ARHGAP26: variants seen among roughly 807,000 people sequenced by gnomAD.
The protein encoded by ARHGAP26 is Rho GTPase activating protein 26.
Under a neutral mutation model 104.8 loss-of-function variants are expected in ARHGAP26, and 38 were observed. That is an observed-to-expected ratio of 0.36 (90% confidence interval 0.28 to 0.48). The LOEUF (loss-of-function observed/expected upper bound fraction) is 0.48, where lower values mean the gene tolerates loss of function less well. ARHGAP26 is among the 20% of genes least tolerant of loss of function. ARHGAP26 has a pLI of 0.99. For missense variants in ARHGAP26, 704 were observed against 947.9 expected, an observed-to-expected ratio of 0.74 and a Z score of 3.38; for synonymous variants, 341 against 340.0, an observed-to-expected ratio of 1.00 and a Z score of -0.03.
At chr5:142,801,564 C>T (rs1762075890) in intron 1 of ARHGAP26, among the ~76,000 whole-genome samples, 1 of 151,398 alleles carries the variant, frequency 6.6e-6, no homozygotes, top group South Asian at 2.1e-4. Context: ...GTCTGAATCC[C>T]TGGCATATTT....
chr5:142,813,609 C>T (rs902523111), intron 1 of ARHGAP26, among the ~76,000 whole-genome samples: 1 of 152,206 alleles, frequency 6.6e-6, no homozygotes, highest in African/African-American at 2.4e-5. Flanking sequence ...GGGCTGTTTT[C>T]TTCCCAGGTC....
At chr5:143,064,232 C>T (rs766003557) in intron 17 of ARHGAP26, among the ~76,000 whole-genome samples, 16 of 152,016 alleles carry the variant, frequency 1.1e-4, no homozygotes, top group African/African-American at 1.9e-4. Context: ...CTCTTGCTCC[C>T]GGCCTACTTC....
intron 12 of ARHGAP26, among the ~76,000 whole-genome samples, chr5:143,023,319 G>A (rs1780596990): frequency 6.6e-6 from 1 of 152,298 alleles, no homozygotes; most frequent in Non-Finnish European, 1.5e-5. Context: ...TCCTATTGTT[G>A]TGCCTCTGAC....
At position 143,087,572 on chromosome 5, in the gene ARHGAP26, C is replaced by G. The variant is rs530067459; in HGVS notation, c.1538+29825C>G. Among the ~76,000 whole-genome samples, 315 of 148,914 alleles carry G rather than the reference C, an allele frequency of 2.1e-3. 1 individual carries two copies. The highest frequency in any genetic ancestry group is 6.9e-3 in the African/African-American group (284 of 40,872). On this transcript the variant is annotated intron_variant, in intron 17 of 22. Transcript: ENST00000645722. ...TCAGACATGCTCTCCTCCTCTGACC[C>G]TAGGGCTTTTGTCTGTTACCTATGC...
chr5:142,862,361 C>T (rs915574418), intron 1 of ARHGAP26, among the ~76,000 whole-genome samples: 5 of 152,158 alleles, frequency 3.3e-5, no homozygotes, highest in African/African-American at 1.2e-4. Flanking sequence ...AGATTTGCAT[C>T]CTGTGATGAC....
At chr5:143,167,158 C>T (rs972781578) in intron 20 of ARHGAP26, among the ~76,000 whole-genome samples, 1 of 151,710 alleles carries the variant, frequency 6.6e-6, no homozygotes, top group African/African-American at 2.4e-5. Flanking sequence ...AAATGTGTGC[C>T]GTGTTTTAGA....
At position 143,190,035 on chromosome 5, in the gene ARHGAP26, G is replaced by GAAA. The variant is rs1342197102; in HGVS notation, c.1989-17152_1989-17150dup. Reference sequence around the variant, plus strand: ...CTTTGGAGGACAGAAGGAGGGGGGGGAAAAAAAAAAAAAGACCTGGTTTCT... The same window carrying GAAA: ...CTTTGGAGGACAGAAGGAGGGGGGGGAAAAAAAAAAAAAAAAGACCTGGTTTCT... On this transcript the variant is annotated intron_variant, in intron 20 of 22. Coordinates refer to ENST00000645722, the MANE Select transcript of ARHGAP26 (RefSeq NM_001135608.3). Among the ~76,000 whole-genome samples, 1,160 of 144,832 alleles carry GAAA rather than the reference G, an allele frequency of 8.0e-3. 20 individuals carry two copies. Among genetic ancestry groups the GAAA allele is most frequent in the African/African-American group, 0.028 (1,066 of 38,372 alleles).
At chr5:143,212,587 C>T (rs1809648821) in intron 21 of ARHGAP26, among the ~76,000 whole-genome samples, 1 of 152,130 alleles carries the variant, frequency 6.6e-6, no homozygotes, top group African/African-American at 2.4e-5. Context: ...ACTTCATTTT[C>T]CCCCACTTTC....
chr5:142,976,451 C>T (rs1454700888), intron 11 of ARHGAP26, among the ~76,000 whole-genome samples: 1 of 152,124 alleles, frequency 6.6e-6, no homozygotes, highest in Non-Finnish European at 1.5e-5. Context: ...CTGAAAGTAG[C>T]CCAAGAGCAA....
At position 143,041,833 on chromosome 5, in the gene ARHGAP26, C is replaced by T. The variant is rs1189025548; in HGVS notation, c.1228C>T (p.Leu410=). The part of the protein sequence containing the change: ...VETRGINEQG[L]YRIVGVNSRV... The stretch of plus-strand genomic sequence containing the variant: ...TTCCTCAGGGATCAACGAGCAAGGG[C>T]TGTATCGAATTGTGGGTGTCAACTC... The change falls in exon 14 of 23, where the codon CTG becomes TTG. Residue 410 remains leucine, a synonymous_variant. Transcript: ENST00000645722. 1.2e-6 allele frequency: 2 copies of T among 1,606,090 alleles called. No homozygotes were observed. The highest frequency in any genetic ancestry group is 1.7e-5 in the Admixed American group (1 of 59,178).
At chr5:142,984,813 A>T (rs930721985) in intron 11 of ARHGAP26, among the ~76,000 whole-genome samples, 7 of 152,226 alleles carry the variant, frequency 4.6e-5, no homozygotes, top group Non-Finnish European at 1.0e-4. Flanking sequence ...TCAGTCATAC[A>T]AAAGTAGAGC....
intron 1 of ARHGAP26, among the ~76,000 whole-genome samples, chr5:142,858,630 G>A (rs543457389): frequency 3.9e-4 from 60 of 152,266 alleles, no homozygotes; most frequent in Admixed American, 6.5e-4. Context: ...GGCTTCTGGC[G>A]TGCTAGAATT....
At chr5:143,007,743 G>A (rs994239377) in intron 11 of ARHGAP26, among the ~76,000 whole-genome samples, 13 of 152,212 alleles carry the variant, frequency 8.5e-5, no homozygotes, top group Non-Finnish European at 1.0e-4. Context: ...AAAATCATTC[G>A]TTTAAACGCT....
chr5:142,955,125 C>CACACA (rs1554169173), intron 11 of ARHGAP26, among the ~76,000 whole-genome samples: 1 of 149,978 alleles, frequency 6.7e-6, no homozygotes, highest in Non-Finnish European at 1.5e-5. Context: ...CACACACACA[C>CACACA]CCCCCATCTC....
chr5:143,206,002 C>T (rs1310720002), intron 20 of ARHGAP26, among the ~76,000 whole-genome samples: 1 of 152,182 alleles, frequency 6.6e-6, no homozygotes, highest in African/African-American at 2.4e-5. Context: ...GATGAACTCA[C>T]ACTGTGGTTT....
intron 10 of ARHGAP26, among the ~76,000 whole-genome samples, chr5:142,918,178 G>A (rs1026220864): frequency 6.6e-6 from 1 of 151,434 alleles, no homozygotes; most frequent in African/African-American, 2.4e-5. Flanking sequence ...ACAGAGTCTT[G>A]CTCTGTCACC....
At chr5:142,855,088 A>C (rs1752129417) in intron 1 of ARHGAP26, among the ~76,000 whole-genome samples, 1 of 152,104 alleles carries the variant, frequency 6.6e-6, no homozygotes, top group African/African-American at 2.4e-5. Flanking sequence ...AAAAATAATA[A>C]TTAAAAATGA....
chr5:142,772,933 A>G (rs746685980), intron 1 of ARHGAP26: 9 of 532,504 alleles, frequency 1.7e-5, no homozygotes, highest in Non-Finnish European at 3.1e-5. Context: ...TTGCAGTGAT[A>G]GAGTTGAAGT....
At chr5:143,184,821 G>T (rs1359566196) in intron 20 of ARHGAP26, among the ~76,000 whole-genome samples, 1 of 152,230 alleles carries the variant, frequency 6.6e-6, no homozygotes, top group Non-Finnish European at 1.5e-5. Context: ...AAGGGGAGAG[G>T]AGGGAAGGAA....
Sources: allele counts gnomAD v4.1 joint callset (sites outside exome capture counted in the v4.1 genomes callset), GRCh38; gene constraint gnomAD v4.1.1; transcripts MANE v1.5; gene names NCBI Gene and HGNC (gene_info 2026-07-23, HGNC 2026-07-21).